STARD5: variants seen among roughly 807,000 people sequenced by gnomAD.
STARD5 encodes the protein stAR-related lipid transfer protein 5.
In STARD5, 26 loss-of-function variants were observed where a neutral mutation model predicts 24.6. The observed-to-expected ratio is 1.06, with a 90% CI of 0.77 to 1.47. The LOEUF is 1.47. Among genes scored for constraint, STARD5 ranks in the 40% most tolerant of loss-of-function variants. The probability of loss-of-function intolerance (pLI) is 0.00; values close to 1 mark genes in which losing one functional copy is unlikely to be tolerated. For missense variants in STARD5, 254 were observed against 270.8 expected, an observed-to-expected ratio of 0.94 and a Z score of 0.44; for synonymous variants, 101 against 99.7, an observed-to-expected ratio of 1.01 and a Z score of -0.07.
chr15:81,319,457 C>T lies in STARD5; in HGVS notation c.283-1G>A, dbSNP rs1259070470. 5 of 1,613,610 alleles carry T rather than the reference C, an allele frequency of 3.1e-6. No homozygotes were observed. The African/African-American group carries it at 6.7e-5, about 22-fold the overall frequency. ...TGGAGGTTCTGCTTACACACAGGGT[C>T]TGCCAAACCAAAGAAGCATGTAGCT... On this transcript the variant is annotated splice_acceptor_variant, in intron 3 of 5. Coordinates refer to ENST00000302824, the MANE Select transcript of STARD5 (RefSeq NM_181900.3). LOFTEE classifies it high-confidence loss of function.
rs1901136503 is a variant in STARD5 at position 81,318,857 on chromosome 15, C to CTG, written c.401-356_401-355insCA. ...CACAAGGTTTGGTCATGGGAGGAGGCAGGTGCCTCTCTCAAATCTCAGCCA... is the reference window on the plus strand; with the variant it reads ...CACAAGGTTTGGTCATGGGAGGAGGCTGAGGTGCCTCTCTCAAATCTCAGCCA... On this transcript the variant is annotated intron_variant, in intron 4 of 5. Transcript: ENST00000302824. Among the ~76,000 whole-genome samples, 3 of 152,196 alleles carry CTG rather than the reference C, an allele frequency of 2.0e-5. No individual in the cohort carries two copies. The South Asian group carries it at 6.2e-4, about 31-fold the overall frequency.
chr15:81,324,109 A>G lies in STARD5; in HGVS notation c.-10T>C, dbSNP rs1245931631. 2.9e-6 allele frequency: 4 copies of G among 1,366,672 alleles called. No homozygotes were observed. In the African/African-American group the frequency reaches 4.5e-5, roughly 15 times the overall value. 84.7% of individuals were successfully genotyped at this position (1,366,672 alleles called of 1,614,324 possible). On this transcript the variant is annotated 5_prime_UTR_variant, in exon 1 of 6. Coordinates refer to ENST00000302824, the MANE Select transcript of STARD5 (RefSeq NM_181900.3). ...CCAGCGCCGGGTCCATTGCGTCGGG[A>G]GCTGCGCTTAGCTGCGGGGTCGCGG...
chr15:81,319,520 C>A (rs765648176), intron 3 of STARD5, 64 bp from the exon 4 acceptor site: 1 of 1,433,446 alleles, frequency 7.0e-7, no homozygotes, highest in Non-Finnish European at 9.8e-7. Context: ...AACTCCCACC[C>A]CATCCCTCAA....
Position 81,313,006 on chromosome 15 carries a change from G to T in STARD5, c.*250C>A. 1 of 286,796 alleles carries T rather than the reference G, an allele frequency of 3.5e-6. No individual in the cohort carries two copies. Among genetic ancestry groups the T allele is most frequent in the Non-Finnish European group, 6.5e-6 (1 of 153,826 alleles). 17.8% of individuals were successfully genotyped at this position (286,796 alleles called of 1,614,324 possible). A position where few individuals can be genotyped will look rare whatever the true frequency, so the allele number is the denominator to read the frequency against. ...GCCTGGGTCTACCCTGCCAGGAGAGGCGTGTTTGGGTAACAGGCAGATGGA... is the reference window on the plus strand; with the variant it reads ...GCCTGGGTCTACCCTGCCAGGAGAGTCGTGTTTGGGTAACAGGCAGATGGA... On this transcript the variant is annotated 3_prime_UTR_variant, in exon 6 of 6. Coordinates refer to ENST00000302824, the MANE Select transcript of STARD5 (RefSeq NM_181900.3).
chr15:81,321,351 C>A (rs1402218589), intron 3 of STARD5, among the ~76,000 whole-genome samples: 4 of 152,070 alleles, frequency 2.6e-5, no homozygotes, highest in Non-Finnish European at 5.9e-5. Context: ...GTGGCTTACA[C>A]CTGTAATCCC....
intron 3 of STARD5, among the ~76,000 whole-genome samples, chr15:81,320,152 G>A (rs1901167740): frequency 6.6e-6 from 1 of 152,086 alleles, no homozygotes; most frequent in Non-Finnish European, 1.5e-5. Flanking sequence ...AGGTCACAGT[G>A]GAGAAGTACA....
chr15:81,316,661 T>C (rs979381824), intron 5 of STARD5, among the ~76,000 whole-genome samples: 2 of 152,248 alleles, frequency 1.3e-5, no homozygotes, highest in African/African-American at 2.4e-5. Flanking sequence ...GTTATTATTG[T>C]CTGCTGAATC....
chr15:81,319,679 T>C (rs75865558), intron 3 of STARD5, among the ~76,000 whole-genome samples: 3,284 of 152,292 alleles, frequency 0.022, 125 homozygotes, highest in African/African-American at 0.076. Flanking sequence ...GCTGTCTAGC[T>C]GCAGACCAGT....
Position 81,322,418 on chromosome 15 carries a change from C to A in STARD5, c.272G>T (p.Ser91Ile). The A allele has an allele frequency of 6.2e-7, 1 of 1,614,186 alleles. No homozygotes were observed. The highest frequency in any genetic ancestry group is 8.5e-7 in the Non-Finnish European group (1 of 1,180,034). Residue 91 changes from serine (S) to isoleucine (I), a missense_variant, in exon 3 of 6, where the codon AGC becomes ATC. Transcript: ENST00000302824. Reference protein sequence around the residue: ...ENVTGFEIIQSITDTLCVSRT... With the variant: ...ENVTGFEIIQIITDTLCVSRT... ...CTTGGAAAGACTTACGTCAGTGATG[C>A]TTTGGATAATTTCAAAACCGGTCAC...
intron 5 of STARD5, among the ~76,000 whole-genome samples, chr15:81,317,578 G>C (rs1475212954): frequency 2.0e-5 from 3 of 152,192 alleles, no homozygotes; most frequent in African/African-American, 7.2e-5. Context: ...TGAAAAGCCA[G>C]CTTAGCAAAG....
rs1009488146 is a variant in STARD5 at position 81,323,957 on chromosome 15, C to T, written c.99+44G>A. The T allele has an allele frequency of 1.9e-6, 3 of 1,548,716 alleles. No individual in the cohort carries two copies. In the East Asian group the frequency reaches 7.2e-5, roughly 37 times the overall value. ...GGGGCTTCTGGGGACCCGGGCTCCACGAAGCCGTCTCCGCGACCCCTTCCC... is the reference window on the plus strand; with the variant it reads ...GGGGCTTCTGGGGACCCGGGCTCCATGAAGCCGTCTCCGCGACCCCTTCCC... On this transcript the variant is annotated intron_variant, in intron 1 of 5. Transcript: ENST00000302824.
At chr15:81,316,871 GTTTTGT>G (rs1901093329) in intron 5 of STARD5, among the ~76,000 whole-genome samples, 1 of 152,080 alleles carries the variant, frequency 6.6e-6, no homozygotes, top group Non-Finnish European at 1.5e-5. Flanking sequence ...TATGGGCAGG[GTTTTGT>G]GGGACCCCAA....
rs1901126027 is a variant in STARD5, at chr15:81,318,405, T to G, written c.494+4A>C. The G allele has an allele frequency of 6.2e-7, 1 of 1,613,726 alleles. No individual in the cohort carries two copies. Among genetic ancestry groups the G allele is most frequent in the Non-Finnish European group, 8.5e-7 (1 of 1,179,714 alleles). On this transcript the variant is annotated splice_donor_region_variant and intron_variant, in intron 5 of 5. Coordinates refer to ENST00000302824, the MANE Select transcript of STARD5 (RefSeq NM_181900.3). ...TGTACCTCAATGCAGGAAATTATCC[T>G]TACCCTGGAAGAGGTTCACAGAAGC...
In STARD5 at chr15:81,318,436, C is replaced by T. The variant is rs61740947; in HGVS notation, c.467G>A (p.Cys156Tyr). The T allele has an allele frequency of 1.9e-6, 3 of 1,614,154 alleles. No individual in the cohort carries two copies. The highest frequency in any genetic ancestry group is 2.5e-6 in the Non-Finnish European group (3 of 1,180,038). ...TGGAAGAGGTTCACAGAAGCAACCA[C>T]AAGGATGGTTAAATCCTCTCACAAA... ...PGFVRGFNHP[C>Y]GCFCEPLPGE... The change falls in exon 5 of 6, where the codon TGT (cysteine) becomes TAT (tyrosine). Residue 156 changes from cysteine to tyrosine, a missense_variant. By Grantham distance (194) the Cys-to-Tyr change is radical. Coordinates refer to ENST00000302824, the MANE Select transcript of STARD5 (RefSeq NM_181900.3).
Position 81,324,131 on chromosome 15 carries a change from G to A in STARD5, c.-32C>T, listed in dbSNP as rs755096556. On this transcript the variant is annotated 5_prime_UTR_variant, in exon 1 of 6. Coordinates refer to ENST00000302824, the MANE Select transcript of STARD5 (RefSeq NM_181900.3). ...GGGAGCTGCGCTTAGCTGCGGGGTC[G>A]CGGGTGTTATGAGCGGCGGCGCTGG... 3.1e-6 allele frequency: 4 copies of A among 1,310,622 alleles called. No homozygotes were observed. The highest frequency in any genetic ancestry group is 3.5e-5 in the Admixed American group (1 of 28,230). The allele number at this position is 1,310,622 out of a possible 1,614,324, so 81.2% of individuals were successfully genotyped here. A position where few individuals can be genotyped will look rare whatever the true frequency, so the allele number is the denominator to read the frequency against.
rs1901124491 is a variant in STARD5 at position 81,318,332 on chromosome 15, C to G, written c.494+77G>C. 2.5e-6 allele frequency: 3 copies of G among 1,212,964 alleles called. 1 individual carries two copies. In the Admixed American group the frequency reaches 5.2e-5, roughly 21 times the overall value. 75.1% of individuals were successfully genotyped at this position (1,212,964 alleles called of 1,614,324 possible). A position where few individuals can be genotyped will look rare whatever the true frequency, so the allele number is the denominator to read the frequency against. ...TTCTTTTGAATCGTAGTCAAAGTGC[C>G]CCTTTTCACAGAAGGTCCACAGGGA... On this transcript the variant is annotated intron_variant, in intron 5 of 5. Coordinates refer to ENST00000302824, the MANE Select transcript of STARD5 (RefSeq NM_181900.3).
chr15:81,322,969 A>G, intron 1 of STARD5, 21 bp from the exon 2 acceptor site: 1 of 1,613,942 alleles, frequency 6.2e-7, no homozygotes, highest in East Asian at 2.2e-5. Flanking sequence ...GCACAGAACC[A>G]CAGAATTTTA....
At position 81,311,884 on chromosome 15, in the gene STARD5, T is replaced by C. The variant is rs762256359; in HGVS notation, c.*1372A>G. 1 of 152,220 alleles carries C rather than the reference T, an allele frequency of 6.6e-6. No homozygotes were observed. Among genetic ancestry groups the C allele is most frequent in the African/African-American group, 2.4e-5 (1 of 41,454 alleles). 9.4% of individuals were successfully genotyped at this position (152,220 alleles called of 1,614,324 possible). A position where few individuals can be genotyped will look rare whatever the true frequency, so the allele number is the denominator to read the frequency against. The stretch of plus-strand genomic sequence containing the variant: ...GCAATAGAACAGAGAAAGAGGAAGC[T>C]TTCTGTCTCCTTAACACTGAGCTGT... On this transcript the variant is annotated 3_prime_UTR_variant, in exon 6 of 6. Coordinates refer to ENST00000302824, the MANE Select transcript of STARD5 (RefSeq NM_181900.3).
chr15:81,314,889 A>T (rs1025970607), intron 5 of STARD5, among the ~76,000 whole-genome samples: 1 of 107,846 alleles, frequency 9.3e-6, no homozygotes, highest in Non-Finnish European at 1.8e-5. Context: ...CCCACCTCAA[A>T]AAAGAAAAAA....
Sources: allele counts gnomAD v4.1 joint callset (sites outside exome capture counted in the v4.1 genomes callset), GRCh38; gene constraint gnomAD v4.1.1; transcripts MANE v1.5; gene names NCBI Gene and HGNC (gene_info 2026-07-23, HGNC 2026-07-21).